CYP19A1: variants seen among roughly 807,000 people sequenced by gnomAD.
CYP19A1 encodes the protein cytochrome P450 family 19 subfamily A member 1, also known as aromatase.
CYP19A1 carries 32 observed loss-of-function variants against 44.4 expected under a neutral mutation model. The ratio of observed to expected loss-of-function variants is 0.72; its 90% CI spans 0.54 to 0.97. The LOEUF is 0.97. CYP19A1 is among the 50% of genes least tolerant of loss of function. The probability of loss-of-function intolerance (pLI) is 0.00; values close to 1 mark genes in which losing one functional copy is unlikely to be tolerated. For synonymous variants in CYP19A1, 212 were observed against 215.6 expected, an observed-to-expected ratio of 0.98 and a Z score of 0.14; for missense variants, 598 against 637.8, an observed-to-expected ratio of 0.94 and a Z score of 0.67.
At chr15:51,224,364 T>C (rs936054218) in intron 4 of CYP19A1, among the ~76,000 whole-genome samples, 2 of 152,222 alleles carry the variant, frequency 1.3e-5, no homozygotes, top group Admixed American at 6.5e-5. Flanking sequence ...CCCTCATTGA[T>C]TATAGAAATG....
chr15:51,294,871 G>A (rs905490191), intron 1 of CYP19A1, among the ~76,000 whole-genome samples: 11 of 152,092 alleles, frequency 7.2e-5, no homozygotes, highest in African/African-American at 2.4e-4. Context: ...CGGTTTTGTG[G>A]AATAGAAAAG....
At chr15:51,249,626 C>T (rs917950934) in intron 1 of CYP19A1, among the ~76,000 whole-genome samples, 7 of 152,142 alleles carry the variant, frequency 4.6e-5, no homozygotes, top group Admixed American at 4.6e-4. Flanking sequence ...GACAAGCAAA[C>T]TGAAGGTGCT....
rs1307734335 is a variant in CYP19A1, at chr15:51,212,375, C to G, written c.1208G>C (p.Arg403Thr). 1 of 1,591,670 alleles carries G rather than the reference C, an allele frequency of 6.3e-7. No individual in the cohort carries two copies. Among genetic ancestry groups the G allele is most frequent in the African/African-American group, 1.3e-5 (1 of 74,516 alleles). The change falls in exon 9 of 10, where the codon AGA becomes ACA. Residue 403 changes from arginine to threonine, a missense_variant. Coordinates refer to ENST00000396402, the MANE Select transcript of CYP19A1 (RefSeq NM_000103.4). The stretch of plus-strand genomic sequence containing the variant: ...ATTGGGTTTGGGGAAAAACTCGAGT[C>G]TGTGCATCCTTCCAATATTCAGGAT... ...NIILNIGRMHRLEFFPKPNEF... is the reference protein window; with the variant it reads ...NIILNIGRMHTLEFFPKPNEF...
At chr15:51,311,382 T>A (rs1428598151) in intron 1 of CYP19A1, among the ~76,000 whole-genome samples, 3 of 152,182 alleles carry the variant, frequency 2.0e-5, no homozygotes, top group Non-Finnish European at 4.4e-5. Context: ...ACAGAGGTAA[T>A]GTCAGTAGAC....
intron 6 of CYP19A1, chr15:51,216,020 A>G: frequency 9.2e-7 from 1 of 1,086,564 alleles, no homozygotes; most frequent in Non-Finnish European, 1.3e-6. Context: ...TGCCAGAGTT[A>G]GCTAAGATTT....
At chr15:51,294,725 G>GC in intron 1 of CYP19A1, among the ~76,000 whole-genome samples, 2 of 148,196 alleles carry the variant, frequency 1.3e-5, no homozygotes, top group Non-Finnish European at 3.0e-5. Flanking sequence ...CTGGCCAGCC[G>GC]CCCCCCGGGA....
chr15:51,226,704 T>C (rs748972803), intron 4 of CYP19A1, among the ~76,000 whole-genome samples: 1 of 152,152 alleles, frequency 6.6e-6, no homozygotes, highest in African/African-American at 2.4e-5. Context: ...CAGGGTATGA[T>C]TATCTTTCTT....
intron 1 of CYP19A1, among the ~76,000 whole-genome samples, chr15:51,293,232 A>C (rs1176936819): frequency 1.3e-5 from 2 of 152,110 alleles, no homozygotes; most frequent in East Asian, 3.9e-4. Context: ...ATGTAACCAA[A>C]CACCACCTGT....
chr15:51,260,834 C>G (rs568773981), intron 1 of CYP19A1, among the ~76,000 whole-genome samples: 49 of 152,206 alleles, frequency 3.2e-4, no homozygotes, highest in Non-Finnish European at 4.8e-4. Flanking sequence ...CCCAGGCATT[C>G]GAGCCAGGTG....
intron 1 of CYP19A1, among the ~76,000 whole-genome samples, chr15:51,271,057 C>T (rs571416230): frequency 1.3e-4 from 19 of 149,992 alleles, no homozygotes; most frequent in Non-Finnish European, 2.5e-4. Context: ...TTTTTTTTTA[C>T]TTCTCTGCTG....
intron 8 of CYP19A1, among the ~76,000 whole-genome samples, chr15:51,213,589 G>A (rs1213665447): frequency 6.6e-6 from 1 of 152,202 alleles, no homozygotes; most frequent in African/African-American, 2.4e-5. Context: ...TCACTAGGAA[G>A]TAGTTAGCGA....
chr15:51,218,658 G>C lies in CYP19A1; in HGVS notation c.629-3C>G. 1 of 1,610,682 alleles carries C rather than the reference G, an allele frequency of 6.2e-7. No individual in the cohort carries two copies. Among genetic ancestry groups the C allele is most frequent in the Non-Finnish European group, 8.5e-7 (1 of 1,178,368 alleles). ...GATTTTAACCACGATAGCACTTTCT[G>C]TAGGAAAAAAAAACACACATACACA... is the stretch of plus-strand genomic sequence containing the variant. On this transcript the variant is annotated splice_region_variant and splice_polypyrimidine_tract_variant and intron_variant, in intron 5 of 9. Transcript: ENST00000396402.
intron 1 of CYP19A1, among the ~76,000 whole-genome samples, chr15:51,285,848 CTG>C (rs1189625203): frequency 7.9e-5 from 12 of 152,234 alleles, no homozygotes; most frequent in African/African-American, 2.7e-4. Context: ...CTCTCTCAAA[CTG>C]TGTTTTCTCA....
At chr15:51,290,613 G>A (rs2035820619) in intron 1 of CYP19A1, among the ~76,000 whole-genome samples, 1 of 151,934 alleles carries the variant, frequency 6.6e-6, no homozygotes, top group African/African-American at 2.4e-5. Context: ...GTGTAGGGAG[G>A]TGTGTCAAAT....
chr15:51,239,260 C>T (rs1005417894), intron 2 of CYP19A1, among the ~76,000 whole-genome samples: 3 of 152,144 alleles, frequency 2.0e-5, no homozygotes, highest in African/African-American at 7.2e-5. Context: ...ACAGCTGGGA[C>T]CTCTCCCCAG....
chr15:51,208,577 A>C lies in CYP19A1; in HGVS notation c.*2231T>G, dbSNP rs1006300105. ...GTGTTCATCAGCCTACTGAAAAGCC[A>C]ATGGTATTCCAGAATTCCAAGGCCA... On this transcript the variant is annotated 3_prime_UTR_variant, in exon 10 of 10. Coordinates refer to ENST00000396402, the MANE Select transcript of CYP19A1 (RefSeq NM_000103.4). 3 of 152,190 alleles carry C rather than the reference A, an allele frequency of 2.0e-5. No homozygotes were observed. The highest frequency in any genetic ancestry group is 2.9e-5 in the Non-Finnish European group (2 of 68,024). 9.4% of individuals were successfully genotyped at this position (152,190 alleles called of 1,614,324 possible).
At position 51,244,127 on chromosome 15, in the gene CYP19A1, T is replaced by C. The variant is rs369540185; in HGVS notation, c.-38-1177A>G. On this transcript the variant is annotated intron_variant, in intron 1 of 9. Coordinates refer to ENST00000396402, the MANE Select transcript of CYP19A1 (RefSeq NM_000103.4). Reference sequence around the variant, plus strand: ...CACAGCCAGGGCTTCTAACTGGATATTGGGGGCTCTGTGTATTCCTTGAAA... The same window carrying C: ...CACAGCCAGGGCTTCTAACTGGATACTGGGGGCTCTGTGTATTCCTTGAAA... 7.2e-5 allele frequency among the ~76,000 whole-genome samples: 11 copies of C among 152,324 alleles called. 2 individuals are homozygous for C. In the East Asian group the frequency reaches 9.6e-4, roughly 13 times the overall value.
At chr15:51,226,897 A>C (rs547547481) in intron 4 of CYP19A1, among the ~76,000 whole-genome samples, 81 of 152,070 alleles carry the variant, frequency 5.3e-4, no homozygotes, top group Admixed American at 1.0e-3. Context: ...TATTTCCTCA[A>C]CTGTTAAAAT....
In CYP19A1 at chr15:51,215,643, A is replaced by G. The variant is rs1423679950; in HGVS notation, c.858+60T>C. The G allele has an allele frequency of 2.5e-6, 4 of 1,613,134 alleles. No homozygotes were observed. The Admixed American group carries it at 6.7e-5, about 27-fold the overall frequency. On this transcript the variant is annotated intron_variant, in intron 7 of 9. Transcript: ENST00000396402. ...AACAGTTACAAAAGGGGATCTTTAC[A>G]CACCTCTACACAGTCATAACATATG... is the stretch of plus-strand genomic sequence containing the variant.
Sources: gnomAD v4.1 joint callset for allele counts (sites outside exome capture counted in the v4.1 genomes callset) on GRCh38, gnomAD v4.1.1 for gene constraint, MANE v1.5 for transcripts, NCBI Gene and HGNC (gene_info 2026-07-23, HGNC 2026-07-21) for gene names.